The following ASAP1 variants were observed in gnomAD, a reference collection of about 807,000 sequenced individuals.
ASAP1 encodes arf-GAP with SH3 domain, ANK repeat and PH domain-containing protein 1.
In ASAP1, 43 loss-of-function variants were observed where a neutral mutation model predicts 145.2. The ratio of observed to expected loss-of-function variants is 0.30; its 90% confidence interval spans 0.23 to 0.38. The LOEUF (loss-of-function observed/expected upper bound fraction) is 0.38. Among genes scored for constraint, ASAP1 ranks in the 10% least tolerant of loss-of-function variants. The pLI is 1.00. For missense variants in ASAP1, 1,018 were observed against 1,355.3 expected, an observed-to-expected ratio of 0.75 and a Z score of 3.91; for synonymous variants, 546 against 515.5, an observed-to-expected ratio of 1.06 and a Z score of -0.80.
intron 5 of ASAP1, among the ~76,000 whole-genome samples, chr8:130,188,739 A>AGAAAAAG (rs1554842791): frequency 2.0e-5 from 3 of 150,440 alleles, no homozygotes; most frequent in African/African-American, 2.4e-5. Context: ...AAAAAAAAAA[A>AGAAAAAG]AAAAAAGAAA....
intron 1 of ASAP1, among the ~76,000 whole-genome samples, chr8:130,430,978 T>G (rs957896740): frequency 1.3e-5 from 2 of 152,146 alleles, no homozygotes; most frequent in Non-Finnish European, 2.9e-5. Context: ...CTCCCTCAGA[T>G]AGTTTCCCAC....
intron 5 of ASAP1, among the ~76,000 whole-genome samples, chr8:130,189,122 T>C (rs193051948): frequency 9.2e-5 from 14 of 152,318 alleles, no homozygotes; most frequent in Non-Finnish European, 1.3e-4. Context: ...AATCAGGGAA[T>C]TGGGGTTTCC....
At chr8:130,316,220 A>T (rs1229714249) in intron 3 of ASAP1, among the ~76,000 whole-genome samples, 1 of 152,148 alleles carries the variant, frequency 6.6e-6, no homozygotes, top group Non-Finnish European at 1.5e-5. Context: ...ATCTTTCTCT[A>T]CTGAGCTCCA....
intron 26 of ASAP1, 112 bp downstream of exon 26, chr8:130,079,790 G>C (rs2097474639): frequency 9.1e-7 from 1 of 1,099,082 alleles, no homozygotes; most frequent in African/African-American, 1.6e-5. Flanking sequence ...TGCCCCACTT[G>C]GCTGACCACA....
intron 1 of ASAP1, among the ~76,000 whole-genome samples, chr8:130,438,993 A>AC (rs1830405636): frequency 6.6e-6 from 1 of 152,218 alleles, no homozygotes; most frequent in African/African-American, 2.4e-5. Context: ...GCAATGGAAA[A>AC]TGAAGGTTGC....
At chr8:130,129,083 AAGGG>A (rs2097579469) in intron 15 of ASAP1, among the ~76,000 whole-genome samples, 3 of 152,036 alleles carry the variant, frequency 2.0e-5, no homozygotes, top group Admixed American at 1.3e-4. Flanking sequence ...ATGGTTTTAT[AAGGG>A]GCTCTTCCCT....
chr8:130,298,226 T>C (rs961402777), intron 3 of ASAP1, among the ~76,000 whole-genome samples: 8 of 152,182 alleles, frequency 5.3e-5, no homozygotes, highest in Non-Finnish European at 1.0e-4. Context: ...GAGAAACCTG[T>C]AATGGTGTCC....
rs1321605631 is a variant in ASAP1 at position 130,072,829 on chromosome 8, GC to G, written c.2701+3518del. ...TGTGTGTGTGTGTGTGTGTGTGCGC[GC>G]GGGGGGGGGCAGTTTTGGGGACTGA... On this transcript the variant is annotated intron_variant, in intron 27 of 29. Coordinates refer to ENST00000518721, the MANE Select transcript of ASAP1 (RefSeq NM_018482.4). Among the ~76,000 whole-genome samples the G allele has an allele frequency of 4.2e-3, 434 of 102,370 alleles. 23 individuals carry two copies. Among genetic ancestry groups the G allele is most frequent in the African/African-American group, 0.015 (376 of 24,636 alleles). 67.2% of individuals were successfully genotyped at this position (102,370 alleles called of 152,430 possible). A position where few individuals can be genotyped will look rare whatever the true frequency, so the allele number is the denominator to read the frequency against.
chr8:130,187,288 T>C lies in ASAP1; in HGVS notation c.481-3A>G. On this transcript the variant is annotated splice_region_variant and splice_polypyrimidine_tract_variant and intron_variant, in intron 6 of 29. Coordinates refer to ENST00000518721, the MANE Select transcript of ASAP1 (RefSeq NM_018482.4). Reference sequence around the variant, plus strand: ...TTGTCAAATGGCTTCTTGAGATCCTTAGAAACGAGAAAATGAGATTAAAAT... The same window carrying C: ...TTGTCAAATGGCTTCTTGAGATCCTCAGAAACGAGAAAATGAGATTAAAAT... 6.2e-7 allele frequency: 1 copy of C among 1,608,112 alleles called. No individual in the cohort carries two copies. Among genetic ancestry groups the C allele is most frequent in the Non-Finnish European group, 8.5e-7 (1 of 1,177,790 alleles).
chr8:130,437,665 A>G (rs11780644), intron 1 of ASAP1, among the ~76,000 whole-genome samples: 29,587 of 152,234 alleles, frequency 0.19, 4,842 homozygotes, highest in African/African-American at 0.45. Flanking sequence ...CACACAGGAC[A>G]AGTTTTTACA....
chr8:130,236,366 T>C (rs923855268), intron 4 of ASAP1, among the ~76,000 whole-genome samples: 3 of 152,068 alleles, frequency 2.0e-5, no homozygotes, highest in African/African-American at 7.2e-5. Context: ...ACTGATGACA[T>C]ACTTTTGCCT....
rs1359860537 is a variant in ASAP1, at chr8:130,329,097, T to C, written c.186+28920A>G. Among the ~76,000 whole-genome samples the C allele has an allele frequency of 4.6e-5, 7 of 152,200 alleles. 1 individual carries two copies. The highest frequency in any genetic ancestry group is 3.9e-4 in the Admixed American group (6 of 15,268). ...CTCCTGACCAGATGGTGGGTGGCTCTTCCTCACACTGGATTTAACACTTAG... is the reference window on the plus strand; with the variant it reads ...CTCCTGACCAGATGGTGGGTGGCTCCTCCTCACACTGGATTTAACACTTAG... On this transcript the variant is annotated intron_variant, in intron 3 of 29. Coordinates refer to ENST00000518721, the MANE Select transcript of ASAP1 (RefSeq NM_018482.4).
At chr8:130,179,592 A>C (rs981637150) in intron 8 of ASAP1, among the ~76,000 whole-genome samples, 18 of 152,212 alleles carry the variant, frequency 1.2e-4, no homozygotes, top group Admixed American at 7.2e-4. Flanking sequence ...AAAACACAGC[A>C]AAACATTCTA....
intron 3 of ASAP1, among the ~76,000 whole-genome samples, chr8:130,254,815 C>T (rs910888401): frequency 6.6e-6 from 1 of 152,202 alleles, no homozygotes; most frequent in Admixed American, 6.5e-5. Flanking sequence ...TCCTAACTCT[C>T]TGAATGAGTT....
intron 1 of ASAP1, among the ~76,000 whole-genome samples, chr8:130,421,619 G>C (rs1335622342): frequency 6.6e-6 from 1 of 152,172 alleles, no homozygotes; most frequent in African/African-American, 2.4e-5. Context: ...AAAGCTCCAG[G>C]GGGCAGCAGG....
intron 13 of ASAP1, among the ~76,000 whole-genome samples, chr8:130,141,167 G>C (rs2097609995): frequency 6.6e-6 from 1 of 152,102 alleles, no homozygotes; most frequent in Admixed American, 6.6e-5. Context: ...AGAGAAAAAA[G>C]AAAACAAAAC....
At chr8:130,379,474 C>A (rs1001145399) in intron 2 of ASAP1, among the ~76,000 whole-genome samples, 1 of 152,150 alleles carries the variant, frequency 6.6e-6, no homozygotes, top group Non-Finnish European at 1.5e-5. Context: ...GTCAGACACA[C>A]GCAGCCTCTG....
intron 15 of ASAP1, among the ~76,000 whole-genome samples, chr8:130,131,069 A>AT (rs1359628213): frequency 6.6e-6 from 1 of 152,010 alleles, no homozygotes; most frequent in African/African-American, 2.4e-5. Context: ...AGGCAGCAGA[A>AT]TTGCTTGAAC....
At chr8:130,256,785 T>TATATATTTA (rs1819594609) in intron 3 of ASAP1, among the ~76,000 whole-genome samples, 1 of 89,538 alleles carries the variant, frequency 1.1e-5, no homozygotes, top group Non-Finnish European at 2.3e-5. Context: ...ATATATATCC[T>TATATATTTA]TATATATATA....
Sources: gnomAD v4.1 joint callset for allele counts (sites outside exome capture counted in the v4.1 genomes callset) on GRCh38, gnomAD v4.1.1 for gene constraint, MANE v1.5 for transcripts, NCBI Gene and HGNC (gene_info 2026-07-23, HGNC 2026-07-21) for gene names.